Variants in DLG2 observed in about 807,000 individuals in gnomAD.
The protein encoded by DLG2 is discs large MAGUK scaffold protein 2.
DLG2 carries 45 observed loss-of-function variants against 132.5 expected under a neutral mutation model. The ratio of observed to expected loss-of-function variants is 0.34; its 90% confidence interval spans 0.27 to 0.44. DLG2 has a LOEUF of 0.44. Ranked by LOEUF, DLG2 falls within the 20% of genes least tolerant of loss-of-function variation. The pLI is 1.00. For missense variants in DLG2, 1,045 were observed against 1,196.9 expected, an observed-to-expected ratio of 0.87 and a Z score of 1.87; for synonymous variants, 424 against 419.6, an observed-to-expected ratio of 1.01 and a Z score of -0.13.
rs1165617353 is a variant in DLG2 at position 84,821,648 on chromosome 11, C to CA, written c.358-286918dup. 7.1e-3 allele frequency among the ~76,000 whole-genome samples: 620 copies of CA among 87,224 alleles called. 5 individuals carry two copies. The highest frequency in any genetic ancestry group is 0.012 in the African/African-American group (317 of 25,534). 57.2% of individuals were successfully genotyped at this position (87,224 alleles called of 152,430 possible). ...AATGTAAAAAAAAAAAAAACAACAACAACAAAAAAAACAAAAAAACAACTT... is the reference window on the plus strand; with the variant it reads ...AATGTAAAAAAAAAAAAAACAACAACAAACAAAAAAAACAAAAAAACAACTT... On this transcript the variant is annotated intron_variant, in intron 6 of 27. Coordinates refer to ENST00000376104, the MANE Select transcript of DLG2 (RefSeq NM_001142699.3).
At chr11:84,332,801 A>G (rs958931228) in intron 7 of DLG2, among the ~76,000 whole-genome samples, 2 of 152,144 alleles carry the variant, frequency 1.3e-5, no homozygotes, top group South Asian at 2.1e-4. Flanking sequence ...ATTAAAGTCA[A>G]CACAACCTAA....
intron 18 of DLG2, chr11:83,647,126 G>A (rs2068445848): frequency 6.6e-6 from 1 of 152,044 alleles, no homozygotes; most frequent in South Asian, 2.1e-4. Context: ...CAGGGGACAT[G>A]TTCATTTTGG....
chr11:84,888,553 T>C (rs1047837785), intron 6 of DLG2, among the ~76,000 whole-genome samples: 9 of 152,114 alleles, frequency 5.9e-5, no homozygotes, highest in Admixed American at 5.2e-4. Flanking sequence ...GTGAGCCAAT[T>C]CTCATAATAA....
chr11:83,717,645 G>A (rs1215175222), intron 18 of DLG2, among the ~76,000 whole-genome samples: 1 of 152,196 alleles, frequency 6.6e-6, no homozygotes, highest in Non-Finnish European at 1.5e-5. Flanking sequence ...AAACACAGGG[G>A]GAAAAAAGTA....
At position 83,492,632 on chromosome 11, in the gene DLG2, T is replaced by C. The variant is rs1316289252; in HGVS notation, c.2194-8404A>G. 2.0e-5 allele frequency among the ~76,000 whole-genome samples: 3 copies of C among 152,108 alleles called. No homozygotes were observed. The East Asian group carries it at 5.8e-4, about 29-fold the overall frequency. On this transcript the variant is annotated intron_variant, in intron 21 of 27. Coordinates refer to ENST00000376104, the MANE Select transcript of DLG2 (RefSeq NM_001142699.3). ...GACAAAAACCTTGGTCCTCCCTCAG[T>C]CTTGTTCAACTTGGGAAATTCTAAC...
chr11:85,152,570 C>T (rs2077328660), intron 5 of DLG2, among the ~76,000 whole-genome samples: 1 of 152,176 alleles, frequency 6.6e-6, no homozygotes. Flanking sequence ...AGTGCATGGG[C>T]TACCGCACCC....
At chr11:83,745,391 C>A (rs2092829127) in intron 18 of DLG2, among the ~76,000 whole-genome samples, 1 of 152,158 alleles carries the variant, frequency 6.6e-6, no homozygotes, top group African/African-American at 2.4e-5. Context: ...GATTTCAAAA[C>A]CTCCCTGTCT....
intron 22 of DLG2, among the ~76,000 whole-genome samples, chr11:83,475,407 A>G (rs2092509649): frequency 6.6e-6 from 1 of 152,012 alleles, no homozygotes; most frequent in Non-Finnish European, 1.5e-5. Context: ...GATGATCCCC[A>G]TTTTACAGAT....
chr11:84,534,835 C>T (rs765172959), intron 6 of DLG2, 104 bp from the exon 7 acceptor site: 2 of 1,351,266 alleles, frequency 1.5e-6, no homozygotes, highest in Admixed American at 1.7e-5. Flanking sequence ...ACAGTGTGCA[C>T]CTACTGTTGA....
At chr11:83,930,238 A>G in intron 15 of DLG2, 90 bp downstream of exon 15, 1 of 1,436,718 alleles carries the variant, frequency 7.0e-7, no homozygotes, top group Non-Finnish European at 9.6e-7. Context: ...GTTTAGTGCA[A>G]GAGAAGTGAG....
chr11:85,321,260 T>C (rs1159014445), intron 3 of DLG2, among the ~76,000 whole-genome samples: 4 of 151,870 alleles, frequency 2.6e-5, no homozygotes, highest in South Asian at 2.1e-4. Flanking sequence ...TCACTATTTA[T>C]TAAGATGGAA....
intron 3 of DLG2, among the ~76,000 whole-genome samples, chr11:85,491,947 C>A (rs996464763): frequency 1.3e-5 from 2 of 149,198 alleles, no homozygotes; most frequent in African/African-American, 2.6e-5. Flanking sequence ...CAATATTAAG[C>A]AAGATGATCA....
intron 6 of DLG2, among the ~76,000 whole-genome samples, chr11:85,029,376 A>G (rs1188491013): frequency 6.6e-6 from 1 of 152,208 alleles, no homozygotes; most frequent in East Asian, 1.9e-4. Flanking sequence ...CCATGTGTCC[A>G]CATGTCTTCA....
intron 6 of DLG2, among the ~76,000 whole-genome samples, chr11:84,593,229 T>C (rs2099548344): frequency 6.6e-6 from 1 of 152,034 alleles, no homozygotes; most frequent in Middle Eastern, 3.4e-3. Flanking sequence ...TTGTGGAAGA[T>C]AGAGTGGTGA....
At chr11:83,985,069 T>G (rs1448703965) in intron 11 of DLG2, among the ~76,000 whole-genome samples, 1 of 152,106 alleles carries the variant, frequency 6.6e-6, no homozygotes, top group African/African-American at 2.4e-5. Context: ...AAGCAATTTT[T>G]GGATAGCTAT....
At chr11:85,024,629 T>G (rs1214444781) in intron 6 of DLG2, among the ~76,000 whole-genome samples, 1 of 152,190 alleles carries the variant, frequency 6.6e-6, no homozygotes, top group Non-Finnish European at 1.5e-5. Context: ...GAAAAAATAG[T>G]GCCAGTTGTT....
Position 83,519,100 on chromosome 11 carries a change from A to C in DLG2, c.2193+13608T>G, listed in dbSNP as rs529341875. Reference sequence around the variant, plus strand: ...ACTGAGGTCCATAATTATTCATTTAATGACTCCAAGGTGTCAGTCTCAGTA... The same window carrying C: ...ACTGAGGTCCATAATTATTCATTTACTGACTCCAAGGTGTCAGTCTCAGTA... On this transcript the variant is annotated intron_variant, in intron 21 of 27. Transcript: ENST00000376104. Among the ~76,000 whole-genome samples the C allele has an allele frequency of 7.2e-5, 11 of 152,286 alleles. No homozygotes were observed. In the South Asian group the frequency reaches 2.3e-3, roughly 32 times the overall value.
chr11:84,621,770 T>C (rs1475343549), intron 6 of DLG2, among the ~76,000 whole-genome samples: 1 of 152,128 alleles, frequency 6.6e-6, no homozygotes. Flanking sequence ...GCATCAGTAG[T>C]AACTGTGTCA....
In DLG2 at chr11:85,204,633, C is replaced by G. The variant is rs569811317; in HGVS notation, c.187-49982G>C. Among the ~76,000 whole-genome samples the G allele has an allele frequency of 4.6e-5, 7 of 151,920 alleles. No homozygotes were observed. The South Asian group carries it at 1.5e-3, about 32-fold the overall frequency. ...CCCAAAGCAATCTACGAATTCAATG[C>G]AATCCTTTTTAAAACATCAATGACA... On this transcript the variant is annotated intron_variant, in intron 4 of 27. Transcript: ENST00000376104.
Sources: gnomAD v4.1 joint callset for allele counts (sites outside exome capture counted in the v4.1 genomes callset) on GRCh38, gnomAD v4.1.1 for gene constraint, MANE v1.5 for transcripts, NCBI Gene and HGNC (gene_info 2026-07-23, HGNC 2026-07-21) for gene names.